The following GRM3 variants were observed in gnomAD, a reference collection of about 807,000 sequenced individuals.
The protein encoded by GRM3 is metabotropic glutamate receptor 3.
In GRM3, 26 loss-of-function variants were observed where a neutral mutation model predicts 70.5. The observed-to-expected ratio is 0.37, with a 90% CI of 0.27 to 0.51. The LOEUF is 0.51. Ranked by LOEUF, GRM3 falls within the 20% of genes least tolerant of loss-of-function variation. The pLI is 0.93. For missense variants in GRM3, 859 were observed against 1,123.8 expected (o/e 0.76, Z 3.37); for synonymous variants, 443 against 434.9 (o/e 1.02, Z -0.23).
At chr7:86,796,478 G>A (rs1797553391) in intron 3 of GRM3, among the ~76,000 whole-genome samples, 2 of 152,134 alleles carry the variant, frequency 1.3e-5, no homozygotes, top group Non-Finnish European at 2.9e-5. Context: ...TTGTTGTATA[G>A]TTTGAAGTCA....
At chr7:86,820,879 C>T (rs753002226) in intron 3 of GRM3, among the ~76,000 whole-genome samples, 1 of 152,136 alleles carries the variant, frequency 6.6e-6, no homozygotes, top group African/African-American at 2.4e-5. Context: ...TCAACGTCAC[C>T]CAGTGCCCAT....
intron 1 of GRM3, among the ~76,000 whole-genome samples, chr7:86,663,227 G>GC (rs1204480601): frequency 2.0e-5 from 3 of 151,902 alleles, no homozygotes; most frequent in African/African-American, 7.2e-5. Context: ...AACAGCAGTG[G>GC]CCAATGAGGT....
At chr7:86,855,772 A>T (rs1798834541) in intron 5 of GRM3, among the ~76,000 whole-genome samples, 1 of 152,210 alleles carries the variant, frequency 6.6e-6, no homozygotes, top group South Asian at 2.1e-4. Context: ...AGCAAGGGGC[A>T]ATGGCCTAGT....
chr7:86,794,585 T>C (rs1007605555), intron 3 of GRM3, among the ~76,000 whole-genome samples: 1 of 152,192 alleles, frequency 6.6e-6, no homozygotes, highest in Non-Finnish European at 1.5e-5. Context: ...GCTAAAGAAC[T>C]TGAAAACTAG....
chr7:86,791,269 A>C (rs1048441883), intron 3 of GRM3, among the ~76,000 whole-genome samples: 33 of 152,242 alleles, frequency 2.2e-4, no homozygotes, highest in African/African-American at 8.0e-4. Flanking sequence ...AAATTATAAA[A>C]GCAAGCAATC....
Position 86,751,194 on chromosome 7 carries a change from T to C in GRM3, c.-140-13812T>C, listed in dbSNP as rs139232945. Among the ~76,000 whole-genome samples the C allele has an allele frequency of 4.4e-3, 671 of 152,208 alleles. 7 individuals carry two copies. Among genetic ancestry groups the C allele is most frequent in the African/African-American group, 0.015 (637 of 41,546 alleles). ...AATCCGAAGCTCTTAAGCTCTGCCA[T>C]GCAGTTTGCCCATCCAGTTGGAAAT... On this transcript the variant is annotated intron_variant, in intron 1 of 5. Coordinates refer to ENST00000361669, the MANE Select transcript of GRM3 (RefSeq NM_000840.3).
At chr7:86,760,627 C>T (rs1056072638) in intron 1 of GRM3, among the ~76,000 whole-genome samples, 7 of 152,016 alleles carry the variant, frequency 4.6e-5, no homozygotes, top group African/African-American at 1.7e-4. Flanking sequence ...TTGAATTAAA[C>T]ATGTTTGTCT....
rs1290967885 is a variant in GRM3, at chr7:86,838,861, T to C, written c.1347T>C (p.Asp449=). 4 of 1,608,544 alleles carry C rather than the reference T, an allele frequency of 2.5e-6. No homozygotes were observed. The highest frequency in any genetic ancestry group is 1.7e-5 in the Admixed American group (1 of 59,808). The change falls in exon 4 of 6, where the codon GAT becomes GAC. Residue 449 remains aspartate (D), a synonymous_variant. Transcript: ENST00000361669. ...NFTAPFNPNK[D]ADSIVKFDTF... ...CAGCTCCATTCAACCCAAATAAAGA[T>C]GCAGATAGCATAGTCAAGTTTGACA...
intron 5 of GRM3, among the ~76,000 whole-genome samples, chr7:86,857,302 A>T (rs181876479): frequency 5.4e-4 from 82 of 152,316 alleles, no homozygotes; most frequent in African/African-American, 1.9e-3. Context: ...ATGTGGCTAG[A>T]GGAAGATGAA....
At chr7:86,713,306 C>T (rs1206995320) in intron 1 of GRM3, among the ~76,000 whole-genome samples, 2 of 151,932 alleles carry the variant, frequency 1.3e-5, no homozygotes, top group Non-Finnish European at 2.9e-5. Context: ...AGATATTTTG[C>T]TCATTTTAAA....
chr7:86,855,565 C>G (rs768696680), intron 5 of GRM3, among the ~76,000 whole-genome samples: 4 of 152,182 alleles, frequency 2.6e-5, no homozygotes, highest in Non-Finnish European at 4.4e-5. Context: ...TCTGCCAAGA[C>G]AGTCACTTGT....
At position 86,786,591 on chromosome 7, in the gene GRM3, C is replaced by T. The variant is rs867126491; in HGVS notation, c.799C>T (p.Pro267Ser). The change falls in exon 3 of 6, where the codon CCC becomes TCC. Residue 267 changes from proline to serine, a missense_variant. Pro to Ser is a moderately conservative substitution (Grantham distance 74, BLOSUM62 -1). Transcript: ENST00000361669. This position sits in a 1 kb window ranked among gnomAD's most constrained non-coding sequence, Gnocchi z 6.0. ...CGTGATCCGAGAACTGTTGCAGAAGCCCAACGCGCGCGTCGTGGTCCTCTT... is the reference window on the plus strand; with the variant it reads ...CGTGATCCGAGAACTGTTGCAGAAGTCCAACGCGCGCGTCGTGGTCCTCTT... ...DSVIRELLQK[P>S]NARVVVLFMR... 2 of 1,613,754 alleles carry T rather than the reference C, an allele frequency of 1.2e-6. No individual in the cohort carries two copies. The highest frequency in any genetic ancestry group is 1.7e-5 in the Admixed American group (1 of 60,034).
At chr7:86,808,954 G>GC (rs34932401) in intron 3 of GRM3, among the ~76,000 whole-genome samples, 58,180 of 151,812 alleles carry the variant, frequency 0.38, 13,046 homozygotes, top group African/African-American at 0.63. Flanking sequence ...GAAATTGGAA[G>GC]CATTGAGAAA....
chr7:86,718,554 G>T (rs1258705868), intron 1 of GRM3, among the ~76,000 whole-genome samples: 1 of 151,870 alleles, frequency 6.6e-6, no homozygotes, highest in Non-Finnish European at 1.5e-5. Context: ...GCTAGGGGAG[G>T]ATAGGGGTGT....
chr7:86,767,127 A>G (rs1454324012), intron 2 of GRM3, among the ~76,000 whole-genome samples: 1 of 151,856 alleles, frequency 6.6e-6, no homozygotes, highest in Admixed American at 6.6e-5. Context: ...CAGGAGAATC[A>G]CTTGAACCCA....
rs78858701 is a variant in GRM3, at chr7:86,831,219, C to T, written c.1325-7620C>T. ...CTGAGGAAGGGTGGAATGATAGGGACGGGAACAAGGGAACTGGTAATGCTC... is the reference window on the plus strand; with the variant it reads ...CTGAGGAAGGGTGGAATGATAGGGATGGGAACAAGGGAACTGGTAATGCTC... On this transcript the variant is annotated intron_variant, in intron 3 of 5. Transcript: ENST00000361669. Among the ~76,000 whole-genome samples, 606 of 152,218 alleles carry T rather than the reference C, an allele frequency of 4.0e-3. 4 individuals are homozygous for T. The Middle Eastern group carries it at 0.044, about 11-fold the overall frequency.
chr7:86,682,212 T>A (rs1402723173), intron 1 of GRM3, among the ~76,000 whole-genome samples: 1 of 152,218 alleles, frequency 6.6e-6, no homozygotes, highest in Non-Finnish European at 1.5e-5. Flanking sequence ...TCCATAATTT[T>A]AATTTTTCCT....
intron 3 of GRM3, among the ~76,000 whole-genome samples, chr7:86,814,681 A>G (rs1046466038): frequency 6.6e-5 from 10 of 151,654 alleles, no homozygotes; most frequent in African/African-American, 2.4e-4. Context: ...CTTTAATTAC[A>G]GGCTCCTTTG....
intron 3 of GRM3, among the ~76,000 whole-genome samples, chr7:86,794,389 A>C (rs1797499068): frequency 6.6e-6 from 1 of 152,232 alleles, no homozygotes; most frequent in Non-Finnish European, 1.5e-5. Flanking sequence ...TGTTCTCTAA[A>C]GAACTTCAAA....
Sources: gnomAD v4.1 joint callset for allele counts (sites outside exome capture counted in the v4.1 genomes callset) on GRCh38, gnomAD v4.1.1 for gene constraint, Gnocchi (gnomAD v3.1) non-coding constraint, MANE v1.5 for transcripts, NCBI Gene and HGNC (gene_info 2026-07-23, HGNC 2026-07-21) for gene names.